Variants in TMEM161B observed in about 807,000 individuals in gnomAD.
The protein encoded by TMEM161B is transmembrane protein 161B.
TMEM161B carries 34 observed loss-of-function variants against 61.8 expected under a neutral mutation model. The ratio of observed to expected loss-of-function variants is 0.55; its 90% CI spans 0.42 to 0.73. TMEM161B has a LOEUF of 0.73. Among genes scored for constraint, TMEM161B ranks in the 30% least tolerant of loss-of-function variants. The pLI is 0.00. For missense variants in TMEM161B, 456 were observed against 558.5 expected, an observed-to-expected ratio of 0.82 and a Z score of 1.85; for synonymous variants, 167 against 192.8, an observed-to-expected ratio of 0.87 and a Z score of 1.11.
intron 1 of TMEM161B, among the ~76,000 whole-genome samples, chr5:88,264,939 G>C (rs1407306721): frequency 6.6e-6 from 1 of 151,922 alleles, no homozygotes; most frequent in Non-Finnish European, 1.5e-5. Context: ...GTCAGGGGGT[G>C]GGGGGCAAGG....
intron 1 of TMEM161B, among the ~76,000 whole-genome samples, chr5:88,265,077 T>C (rs976099187): frequency 3.9e-5 from 6 of 152,136 alleles, no homozygotes; most frequent in Admixed American, 6.5e-5. Context: ...GTTCCGTACA[T>C]GTATCCCAGA....
downstream of TMEM161B, among the ~76,000 whole-genome samples, chr5:88,192,148 TGATACTACTTTATTTAAGA>T (rs894449147): frequency 1.4e-5 from 2 of 147,486 alleles, no homozygotes; most frequent in African/African-American, 2.5e-5. Context: ...TACGAAACTA[TGATACTACTTTATTTAAGA>T]AAATAAATTG....
At chr5:88,185,650 G>T (rs1748324865), downstream of TMEM161B, among the ~76,000 whole-genome samples, 1 of 152,260 alleles carries the variant, frequency 6.6e-6, no homozygotes, top group Non-Finnish European at 1.5e-5. Context: ...GACTCAATTT[G>T]AACTTAGTTC....
chr5:88,205,664 C>A, intron 8 of TMEM161B, 150 bp downstream of exon 8: 3 of 818,534 alleles, frequency 3.7e-6, no homozygotes, highest in South Asian at 2.2e-5. Flanking sequence ...ATAAAAGAAA[C>A]TTGCTTATAG....
chr5:88,222,139 G>A (rs1749117482), intron 4 of TMEM161B, among the ~76,000 whole-genome samples: 1 of 152,142 alleles, frequency 6.6e-6, no homozygotes, highest in Admixed American at 6.5e-5. Flanking sequence ...TGTGATCATA[G>A]CTCACTGCAG....
intron 1 of TMEM161B, among the ~76,000 whole-genome samples, chr5:88,249,742 G>T (rs928606822): frequency 5.3e-5 from 8 of 152,086 alleles, no homozygotes; most frequent in Non-Finnish European, 1.0e-4. Flanking sequence ...CTGAAGGACT[G>T]GATACACTGG....
At chr5:88,192,034 A>G (rs1382038067), downstream of TMEM161B, among the ~76,000 whole-genome samples, 3 of 94,650 alleles carry the variant, frequency 3.2e-5, 1 homozygote, top group African/African-American at 1.2e-4. Flanking sequence ...ATATGTATAT[A>G]GCCACACATT....
At chr5:88,202,897 C>T in intron 9 of TMEM161B, 65 bp downstream of exon 9, 3 of 1,028,298 alleles carry the variant, frequency 2.9e-6, no homozygotes, top group Non-Finnish European at 4.6e-6. Flanking sequence ...AAACGAAATA[C>T]AGTAAATAAC....
At chr5:88,260,037 T>C (rs1449283900) in intron 1 of TMEM161B, among the ~76,000 whole-genome samples, 2 of 152,174 alleles carry the variant, frequency 1.3e-5, no homozygotes, top group African/African-American at 2.4e-5. Flanking sequence ...ATCTGTAAGA[T>C]AAAGGTTTAA....
Position 88,199,159 on chromosome 5 carries a change from C to A in TMEM161B, c.915-9G>T, listed in dbSNP as rs1180841906. On this transcript the variant is annotated splice_polypyrimidine_tract_variant and intron_variant, in intron 9 of 11. Transcript: ENST00000296595. ...ATGTGGCTTCTGTCATTCTACAGAT[C>A]AAAAAGTTGATACGGTGCTCTCAAA... 1.3e-6 allele frequency: 2 copies of A among 1,595,684 alleles called. No individual in the cohort carries two copies. The highest frequency in any genetic ancestry group is 2.3e-5 in the South Asian group (2 of 88,732).
downstream of TMEM161B, among the ~76,000 whole-genome samples, chr5:88,188,007 G>C (rs1748459498): frequency 1.3e-5 from 2 of 152,250 alleles, no homozygotes; most frequent in South Asian, 4.1e-4. Flanking sequence ...TATAGAAATA[G>C]AATGCTTAAA....
chr5:88,239,753 A>G (rs2112649323), intron 2 of TMEM161B, among the ~76,000 whole-genome samples: 1 of 152,108 alleles, frequency 6.6e-6, no homozygotes, highest in South Asian at 2.1e-4. Context: ...GAAGAATACA[A>G]ATAATTTAAA....
At chr5:88,250,217 G>A (rs1002037375) in intron 1 of TMEM161B, among the ~76,000 whole-genome samples, 2 of 152,010 alleles carry the variant, frequency 1.3e-5, no homozygotes, top group African/African-American at 2.4e-5. Flanking sequence ...GAGAGAGACC[G>A]AGACCAGAAG....
intron 1 of TMEM161B, among the ~76,000 whole-genome samples, chr5:88,241,848 T>A (rs1752796705): frequency 6.6e-6 from 1 of 151,764 alleles, no homozygotes; most frequent in South Asian, 2.1e-4. Context: ...GAAAAATAGA[T>A]ACAATCAAAT....
At chr5:88,234,938 T>C (rs756376541) in intron 2 of TMEM161B, among the ~76,000 whole-genome samples, 10 of 152,288 alleles carry the variant, frequency 6.6e-5, no homozygotes, top group South Asian at 2.1e-4. Flanking sequence ...AAGTTAAATA[T>C]ACAACTTTCA....
At chr5:88,265,113 T>A (rs763413106) in intron 1 of TMEM161B, among the ~76,000 whole-genome samples, 65 of 152,242 alleles carry the variant, frequency 4.3e-4, no homozygotes, top group Non-Finnish European at 8.7e-4. Flanking sequence ...TGAAAAAAAA[T>A]TTAAAAATAC....
chr5:88,224,397 C>T lies in TMEM161B; in HGVS notation c.289+1372G>A, dbSNP rs77270315. On this transcript the variant is annotated intron_variant, in intron 4 of 11. Coordinates refer to ENST00000296595, the MANE Select transcript of TMEM161B (RefSeq NM_153354.5). ...TTTTAAATTGTTATCAACTTAGATG[C>T]CTTTCCCTTCTAGGATTCAAATAAT... is the stretch of plus-strand genomic sequence containing the variant. Among the ~76,000 whole-genome samples, 126 of 152,192 alleles carry T rather than the reference C, an allele frequency of 8.3e-4. 1 individual carries two copies. In the East Asian group the frequency reaches 0.021, roughly 25 times the overall value.
At chr5:88,188,881 G>C (rs1045458851), downstream of TMEM161B, among the ~76,000 whole-genome samples, 1 of 152,190 alleles carries the variant, frequency 6.6e-6, no homozygotes, top group East Asian at 1.9e-4. Flanking sequence ...GCACCGGCTG[G>C]TCTTGCCACT....
intron 4 of TMEM161B, 25 bp from the exon 5 acceptor site, chr5:88,220,744 A>G: frequency 1.3e-6 from 2 of 1,518,296 alleles, no homozygotes; most frequent in Non-Finnish European, 8.8e-7. Flanking sequence ...AAAAAAAAAA[A>G]AAAAAAAGGT....
Sources: gnomAD v4.1 joint callset for allele counts (sites outside exome capture counted in the v4.1 genomes callset) on GRCh38, gnomAD v4.1.1 for gene constraint, MANE v1.5 for transcripts, NCBI Gene and HGNC (gene_info 2026-07-23, HGNC 2026-07-21) for gene names.